The following CLGN variants were observed in gnomAD, a reference collection of about 807,000 sequenced individuals.
The protein encoded by CLGN is testis tissue sperm-binding protein Li 79P.
A neutral mutation model predicts 79.1 loss-of-function variants in CLGN; 62 were observed. That is an observed-to-expected ratio of 0.78 (90% CI 0.64 to 0.97). The LOEUF (loss-of-function observed/expected upper bound fraction) is 0.97. Among genes scored for constraint, CLGN ranks in the 50% least tolerant of loss-of-function variants. The pLI is 0.00. For synonymous variants in CLGN, 225 were observed against 224.7 expected (o/e 1.00, Z -0.01); for missense variants, 647 against 715.5 (o/e 0.90, Z 1.09).
rs142360750 is a variant in CLGN, at chr4:140,395,958, G to A, written c.1010C>T (p.Thr337Met). The A allele has an allele frequency of 3.0e-5, 48 of 1,598,226 alleles. No homozygotes were observed. The highest frequency in any genetic ancestry group is 5.7e-5 in the South Asian group (5 of 87,078). ...CTGAGGTGCCTCCCATTCTCCATCC[G>A]TGTCTTCATTCCTTAGGATATTAAA... ...AEKPDDWNEDTDGEWEAPQIL... is the reference protein window; with the variant it reads ...AEKPDDWNEDMDGEWEAPQIL... The change falls in exon 10 of 15, where the codon ACG becomes ATG. Residue 337 changes from threonine (T) to methionine (M), a missense_variant. By Grantham distance (81) the Thr-to-Met change is moderately conservative. Transcript: ENST00000325617.
intron 1 of CLGN, chr4:140,426,846 G>A (rs200813242): frequency 6.6e-6 from 1 of 152,366 alleles, no homozygotes; most frequent in East Asian, 1.9e-4. Flanking sequence ...GGGCGATAAT[G>A]AGTCTAGTAA....
chr4:140,393,641 C>T (rs1177336646), intron 11 of CLGN, among the ~76,000 whole-genome samples, 185 bp downstream of exon 11: 1 of 152,020 alleles, frequency 6.6e-6, no homozygotes, highest in Non-Finnish European at 1.5e-5. Flanking sequence ...ATATATAGCT[C>T]ATAATGAAGT....
chr4:140,397,570 T>C (rs774557867), intron 8 of CLGN, among the ~76,000 whole-genome samples: 1 of 152,156 alleles, frequency 6.6e-6, no homozygotes, highest in African/African-American at 2.4e-5. Context: ...TCCAATATAA[T>C]TTTTAAAACT....
chr4:140,392,670 G>T lies in CLGN; in HGVS notation c.1407C>A (p.His469Gln). Residue 469 changes from histidine to glutamine, a missense_variant, in exon 12 of 15, where the codon CAC (histidine) becomes CAA (glutamine). By Grantham distance (24) the His-to-Gln change is conservative. Coordinates refer to ENST00000325617, the MANE Select transcript of CLGN (RefSeq NM_004362.3). ...LKQLMAAAEG[H>Q]PWLWLIYLVT... The stretch of plus-strand genomic sequence containing the variant: ...CAAGATAAATCAACCAAAGCCATGG[G>T]TGCCCTTCAGCAGCTGCCATTAACT... 2.5e-6 allele frequency: 4 copies of T among 1,609,820 alleles called. No homozygotes were observed. Among genetic ancestry groups the T allele is most frequent in the Non-Finnish European group, 3.4e-6 (4 of 1,178,346 alleles).
At chr4:140,407,586 C>CAAAAA (rs33994946) in intron 4 of CLGN, among the ~76,000 whole-genome samples, 3 of 127,798 alleles carry the variant, frequency 2.3e-5, no homozygotes, top group African/African-American at 8.7e-5. Context: ...ACAATGGCTG[C>CAAAAA]AAAAAAAAAA....
intron 13 of CLGN, 35 bp from the exon 14 acceptor site, chr4:140,390,763 A>C (rs1728757947): frequency 2.8e-6 from 4 of 1,411,410 alleles, no homozygotes; most frequent in Non-Finnish European, 3.9e-6. Flanking sequence ...CAAAGACTCA[A>C]TAAATTAGAA....
At chr4:140,414,958 G>A (rs1205260315) in intron 1 of CLGN, among the ~76,000 whole-genome samples, 2 of 150,770 alleles carry the variant, frequency 1.3e-5, no homozygotes, top group African/African-American at 2.4e-5. Flanking sequence ...GAGAAAGGTC[G>A]GGTTACCCTC....
intron 1 of CLGN, among the ~76,000 whole-genome samples, chr4:140,417,215 C>G (rs1729358168): frequency 7.2e-6 from 1 of 139,388 alleles, no homozygotes; most frequent in African/African-American, 2.7e-5. Flanking sequence ...ATAATAAGAG[C>G]TATCTATGAC....
intron 13 of CLGN, 124 bp downstream of exon 13, chr4:140,392,095 C>G: frequency 4.3e-6 from 5 of 1,171,212 alleles, no homozygotes; most frequent in Non-Finnish European, 6.0e-6. Context: ...GTCACATATT[C>G]TTGGGAGATT....
In CLGN at chr4:140,392,320, C is replaced by A; in HGVS notation, c.1550G>T (p.Gly517Val). The part of the protein sequence containing the change: ...KTDICIPQTK[G>V]VLEQEEKEEK... ...TTCCTTTTCTTCTTGCTCTAGTACT[C>A]CTTTTGTTTGTGGTATACATATGTC... Residue 517 changes from glycine (G) to valine (V), a missense_variant, in exon 13 of 15, where the codon GGA becomes GTA. Gly to Val is a moderately radical substitution (Grantham distance 109, BLOSUM62 -3). Coordinates refer to ENST00000325617, the MANE Select transcript of CLGN (RefSeq NM_004362.3). 1 of 1,613,074 alleles carries A rather than the reference C, an allele frequency of 6.2e-7. No individual in the cohort carries two copies. The highest frequency in any genetic ancestry group is 1.7e-5 in the Admixed American group (1 of 59,954).
At chr4:140,406,678 CA>C (rs1259846619) in intron 4 of CLGN, among the ~76,000 whole-genome samples, 2 of 152,150 alleles carry the variant, frequency 1.3e-5, no homozygotes, top group Non-Finnish European at 2.9e-5. Context: ...TGCTAAGCTA[CA>C]ACAAGGCAAA....
chr4:140,400,297 A>G (rs1439143821), intron 7 of CLGN, 60 bp downstream of exon 7: 2 of 1,255,906 alleles, frequency 1.6e-6, no homozygotes, highest in East Asian at 4.7e-5. Flanking sequence ...AGCACTTGCC[A>G]TGAATACATC....
At chr4:140,416,834 T>C (rs962658513) in intron 1 of CLGN, among the ~76,000 whole-genome samples, 2 of 151,480 alleles carry the variant, frequency 1.3e-5, no homozygotes, top group Non-Finnish European at 3.0e-5. Context: ...GAGGGAATCC[T>C]CCCTAACTCA....
rs1560742027 is a variant in CLGN, at chr4:140,402,078, G to A, written c.420-12C>T. 7.1e-7 allele frequency: 1 copy of A among 1,405,918 alleles called. No homozygotes were observed. Among genetic ancestry groups the A allele is most frequent in the African/African-American group, 1.5e-5 (1 of 68,832 alleles). The allele number at this position is 1,405,918 out of a possible 1,614,324, so 87.1% of individuals were successfully genotyped here. A position where few individuals can be genotyped will look rare whatever the true frequency, so the allele number is the denominator to read the frequency against. On this transcript the variant is annotated splice_polypyrimidine_tract_variant and intron_variant, in intron 5 of 14. Coordinates refer to ENST00000325617, the MANE Select transcript of CLGN (RefSeq NM_004362.3). ...AATTTACTTCATATCTGAATAAAGG[G>A]AAAAAGAACCGTACTACTGATAAAT...
chr4:140,414,186 A>G (rs1379903782), intron 1 of CLGN, among the ~76,000 whole-genome samples: 2 of 152,232 alleles, frequency 1.3e-5, no homozygotes, highest in Admixed American at 1.3e-4. Flanking sequence ...CATCCACGCC[A>G]GAAACCCATC....
Position 140,395,958 on chromosome 4 carries a change from G to C in CLGN, c.1010C>G (p.Thr337Arg). ...AEKPDDWNED[T>R]DGEWEAPQIL... ...CTGAGGTGCCTCCCATTCTCCATCCGTGTCTTCATTCCTTAGGATATTAAA... is the reference window on the plus strand; with the variant it reads ...CTGAGGTGCCTCCCATTCTCCATCCCTGTCTTCATTCCTTAGGATATTAAA... The change falls in exon 10 of 15, where the codon ACG becomes AGG. Residue 337 changes from threonine to arginine, a missense_variant. Transcript: ENST00000325617. 6.3e-7 allele frequency: 1 copy of C among 1,598,348 alleles called. No homozygotes were observed. Among genetic ancestry groups the C allele is most frequent in the Non-Finnish European group, 8.5e-7 (1 of 1,174,202 alleles).
At chr4:140,390,055 G>A (rs1304682759) in intron 14 of CLGN, among the ~76,000 whole-genome samples, 1 of 151,336 alleles carries the variant, frequency 6.6e-6, no homozygotes, top group Non-Finnish European at 1.5e-5. Flanking sequence ...AATTATACTC[G>A]GGATTTCTCA....
Position 140,394,032 on chromosome 4 carries a change from TC to T in CLGN, c.1158del (p.Trp386Ter). The T allele has an allele frequency of 6.2e-7, 1 of 1,607,872 alleles. No individual in the cohort carries two copies. The highest frequency in any genetic ancestry group is 8.5e-7 in the Non-Finnish European group (1 of 1,175,920). ...TCTGGATTAGGAATTTTTCGAGGAC[TC>T]CAGATTCCCTGGAAGAAAAGTAATT... ...LVDNPNYQGI[W>X]SPRKIPNPDY... On this transcript the variant is annotated frameshift_variant, in exon 11 of 15. Coordinates refer to ENST00000325617, the MANE Select transcript of CLGN (RefSeq NM_004362.3). LOFTEE classifies it high-confidence loss of function.
chr4:140,422,049 C>A (rs932178938), intron 1 of CLGN, among the ~76,000 whole-genome samples: 2 of 152,062 alleles, frequency 1.3e-5, no homozygotes, highest in African/African-American at 4.8e-5. Context: ...TCCTTTCTCA[C>A]AAAATGGTCT....
Sources: allele counts gnomAD v4.1 joint callset (sites outside exome capture counted in the v4.1 genomes callset), GRCh38; gene constraint gnomAD v4.1.1; transcripts MANE v1.5; gene names NCBI Gene and HGNC (gene_info 2026-07-23, HGNC 2026-07-21).